The following EPS15 variants were observed in gnomAD, a reference collection of about 807,000 sequenced individuals.
The protein encoded by EPS15 is epidermal growth factor receptor pathway substrate 15.
In EPS15, 72 loss-of-function variants were observed where a neutral mutation model predicts 113.8. The ratio of observed to expected loss-of-function variants is 0.63; its 90% CI spans 0.52 to 0.77. The LOEUF (loss-of-function observed/expected upper bound fraction) is 0.77. EPS15 is among the 30% of genes least tolerant of loss of function. The pLI is 0.00. For synonymous variants in EPS15, 344 were observed against 363.4 expected (o/e 0.95, Z 0.61); for missense variants, 1,048 against 1,045.8 (o/e 1.00, Z -0.03).
At chr1:51,475,825 A>G (rs1403020026) in intron 2 of EPS15, among the ~76,000 whole-genome samples, 1 of 152,174 alleles carries the variant, frequency 6.6e-6, no homozygotes, top group South Asian at 2.1e-4. Flanking sequence ...TCTAACATTT[A>G]AGTCTTTAAT....
chr1:51,395,540 A>G (rs1384143097), intron 20 of EPS15, among the ~76,000 whole-genome samples: 1 of 152,062 alleles, frequency 6.6e-6, no homozygotes, highest in African/African-American at 2.4e-5. Context: ...ACACACACAC[A>G]TATACACAAA....
intron 1 of EPS15, among the ~76,000 whole-genome samples, chr1:51,510,452 G>A (rs778509297): frequency 2.0e-5 from 3 of 152,198 alleles, no homozygotes; most frequent in Admixed American, 1.3e-4. Flanking sequence ...AAGATTAAGT[G>A]AAATAATGTA....
At chr1:51,364,546 G>A (rs1646464312) in intron 22 of EPS15, among the ~76,000 whole-genome samples, 2 of 151,426 alleles carry the variant, frequency 1.3e-5, no homozygotes, top group Admixed American at 1.3e-4. Flanking sequence ...CCAAGCTGGA[G>A]AGCAGTGGCA....
In EPS15 at chr1:51,448,208, C is replaced by G. The variant is rs1374695690; in HGVS notation, c.562-73G>C. 3.9e-5 allele frequency: 33 copies of G among 845,588 alleles called. No individual in the cohort carries two copies. In the East Asian group the frequency reaches 8.7e-4, roughly 22 times the overall value. 52.4% of individuals were successfully genotyped at this position (845,588 alleles called of 1,614,324 possible). ...TCCACCCACTGAATTGATTATTGTTCAATGATAAATCATCGTCAGGCTCTC... is the reference window on the plus strand; with the variant it reads ...TCCACCCACTGAATTGATTATTGTTGAATGATAAATCATCGTCAGGCTCTC... On this transcript the variant is annotated intron_variant, in intron 8 of 24. Coordinates refer to ENST00000371733, the MANE Select transcript of EPS15 (RefSeq NM_001981.3).
At chr1:51,371,019 G>A (rs1036075359) in intron 21 of EPS15, among the ~76,000 whole-genome samples, 3 of 152,062 alleles carry the variant, frequency 2.0e-5, no homozygotes, top group Middle Eastern at 6.8e-3. Flanking sequence ...GGGTTAAAGC[G>A]ATTCTTGTGC....
intron 13 of EPS15, among the ~76,000 whole-genome samples, chr1:51,414,686 T>C (rs1056529784): frequency 6.6e-6 from 1 of 152,184 alleles, no homozygotes; most frequent in Admixed American, 6.5e-5. Context: ...ATCTACTTCA[T>C]GTCTCTAATA....
At chr1:51,493,528 TTAAATAAATAAA>T (rs200731991) in intron 1 of EPS15, among the ~76,000 whole-genome samples, 3,113 of 133,398 alleles carry the variant, frequency 0.023, 92 homozygotes, top group East Asian at 0.067. Flanking sequence ...CAGTCTCAAA[TTAAATAAATAAA>T]TAAATAAATA....
intron 12 of EPS15, among the ~76,000 whole-genome samples, chr1:51,427,630 T>C (rs1570280117): frequency 6.6e-6 from 1 of 152,196 alleles, no homozygotes; most frequent in African/African-American, 2.4e-5. Flanking sequence ...GGATGATTAA[T>C]TGCAAAGTGA....
intron 6 of EPS15, 62 bp from the exon 7 acceptor site, chr1:51,463,860 A>G (rs1253731716): frequency 9.9e-7 from 1 of 1,012,352 alleles, no homozygotes; most frequent in Non-Finnish European, 1.5e-6. Context: ...CTGCAGTTAT[A>G]AAAATCAAGT....
In EPS15 at chr1:51,444,945, G is replaced by A. The variant is rs756970985; in HGVS notation, c.898C>T (p.Pro300Ser). The change falls in exon 11 of 25, where the codon CCT becomes TCT. Residue 300 changes from proline (P) to serine (S), a missense_variant. Transcript: ENST00000371733. ...SQKLIKGIDP[P>S]HVLTPEMIPP... ...ATCATTTCAGGAGTAAGAACGTGAGGAGGATCAATGCCCTTGATTAACTTC... is the reference window on the plus strand; with the variant it reads ...ATCATTTCAGGAGTAAGAACGTGAGAAGGATCAATGCCCTTGATTAACTTC... 1.9e-6 allele frequency: 3 copies of A among 1,614,018 alleles called. No homozygotes were observed. Among genetic ancestry groups the A allele is most frequent in the Non-Finnish European group, 2.5e-6 (3 of 1,179,934 alleles).
chr1:51,421,943 C>T (rs758696835), intron 12 of EPS15, 85 bp from the exon 13 acceptor site: 66 of 1,571,736 alleles, frequency 4.2e-5, no homozygotes, highest in Non-Finnish European at 5.5e-5. Context: ...TCCTGAATCG[C>T]TTTTTAAATA....
intron 1 of EPS15, among the ~76,000 whole-genome samples, chr1:51,514,608 A>G (rs1644681315): frequency 6.6e-6 from 1 of 152,210 alleles, no homozygotes; most frequent in African/African-American, 2.4e-5. Context: ...AGAGATTCTG[A>G]ACTATGATTC....
intron 1 of EPS15, among the ~76,000 whole-genome samples, chr1:51,498,912 A>G (rs1300674348): frequency 6.6e-6 from 1 of 152,238 alleles, no homozygotes; most frequent in East Asian, 1.9e-4. Context: ...TGATAAAGTC[A>G]TAAGGGCTCC....
At chr1:51,365,890 G>T in intron 22 of EPS15, 63 bp downstream of exon 22, 1 of 1,105,990 alleles carries the variant, frequency 9.0e-7, no homozygotes, top group Non-Finnish European at 1.3e-6. Context: ...TAATTGAAAG[G>T]AGGATTGTTC....
chr1:51,418,542 T>C (rs1158649883), intron 13 of EPS15, among the ~76,000 whole-genome samples: 3 of 151,632 alleles, frequency 2.0e-5, no homozygotes, highest in Non-Finnish European at 4.4e-5. Context: ...TAGAGCAAAA[T>C]AAGTTGGTAG....
At chr1:51,473,281 C>T (rs1431868323) in intron 2 of EPS15, among the ~76,000 whole-genome samples, 3 of 152,270 alleles carry the variant, frequency 2.0e-5, no homozygotes, top group Admixed American at 6.5e-5. Context: ...TTAAATGGCA[C>T]TAGGAAGAAA....
At chr1:51,387,213 CA>C (rs1647105333) in intron 21 of EPS15, among the ~76,000 whole-genome samples, 1 of 151,970 alleles carries the variant, frequency 6.6e-6, no homozygotes, top group Admixed American at 6.6e-5. Context: ...CATATCCAGC[CA>C]AACTAAGCTT....
intron 21 of EPS15, among the ~76,000 whole-genome samples, chr1:51,375,076 A>G (rs1331071533): frequency 1.6e-5 from 2 of 123,560 alleles, no homozygotes; most frequent in Non-Finnish European, 3.2e-5. Context: ...ATCTTGGCTC[A>G]CTGCAAGCTC....
rs377704471 is a variant in EPS15 at position 51,399,067 on chromosome 1, G to T, written c.2017C>A (p.Pro673Thr). 7.4e-6 allele frequency: 12 copies of T among 1,613,662 alleles called. No homozygotes were observed. The highest frequency in any genetic ancestry group is 1.0e-5 in the Non-Finnish European group (12 of 1,179,718). ...TDPFATSSTD[P>T]FSAANNSSIT... ...CTGCTATTGTTGGCTGCACTGAAAGGGTCAGTGCTTGAAGTGGCAAAAGGA... is the reference window on the plus strand; with the variant it reads ...CTGCTATTGTTGGCTGCACTGAAAGTGTCAGTGCTTGAAGTGGCAAAAGGA... Residue 673 changes from proline to threonine, a missense_variant, in exon 20 of 25, where the codon CCT (proline) becomes ACT (threonine). Physicochemically the swap from Pro to Thr is conservative, Grantham distance 38. Transcript: ENST00000371733.
Sources: gnomAD v4.1 joint callset for allele counts (sites outside exome capture counted in the v4.1 genomes callset) on GRCh38, gnomAD v4.1.1 for gene constraint, MANE v1.5 for transcripts, NCBI Gene and HGNC (gene_info 2026-07-23, HGNC 2026-07-21) for gene names.